The following ATPSCKMT variants were observed in gnomAD, a reference collection of about 807,000 sequenced individuals.
The protein encoded by ATPSCKMT is ATP synthase c subunit lysine N-methyltransferase.
ATPSCKMT carries 24 observed loss-of-function variants against 24.3 expected under a neutral mutation model. That is an observed-to-expected ratio of 0.99 (90% CI 0.71 to 1.39). The LOEUF (loss-of-function observed/expected upper bound fraction) is 1.39. Ranked by LOEUF, ATPSCKMT falls within the 40% of genes most tolerant of loss-of-function variation. ATPSCKMT has a pLI of 0.00. For synonymous variants in ATPSCKMT, 95 were observed against 110.5 expected (o/e 0.86, Z 0.88); for missense variants, 311 against 298.4 (o/e 1.04, Z -0.31).
chr5:10,228,883 G>A (rs1318806516), intron 4 of ATPSCKMT, among the ~76,000 whole-genome samples: 4 of 152,104 alleles, frequency 2.6e-5, no homozygotes, highest in Non-Finnish European at 4.4e-5. Flanking sequence ...GCCCACCTCA[G>A]CCTCTCAAAG....
intron 2 of ATPSCKMT, 136 bp from the exon 3 acceptor site, chr5:10,236,751 A>AGCG: frequency 1.4e-6 from 2 of 1,461,288 alleles, no homozygotes; most frequent in Non-Finnish European, 1.8e-6. Flanking sequence ...ATCATTTTAA[A>AGCG]ATGTGTCTCT....
chr5:10,242,308 T>C (rs1744679876), intron 1 of ATPSCKMT, among the ~76,000 whole-genome samples: 1 of 152,234 alleles, frequency 6.6e-6, no homozygotes, highest in Admixed American at 6.5e-5. Flanking sequence ...TTATAAAATA[T>C]TCTAAGTTCT....
chr5:10,230,257 G>T (rs538184023), intron 4 of ATPSCKMT, among the ~76,000 whole-genome samples: 2 of 108,002 alleles, frequency 1.9e-5, no homozygotes, highest in East Asian at 8.0e-4. Context: ...TCTTTTAACA[G>T]CCAGTATAGA....
rs1561031283 is a variant in ATPSCKMT at position 10,239,249 on chromosome 5, CAGTA to C, written c.120_123del (p.Thr41GlyfsTer13). 3.1e-6 allele frequency: 5 copies of C among 1,614,214 alleles called. No homozygotes were observed. The highest frequency in any genetic ancestry group is 2.2e-5 in the South Asian group (2 of 91,086). On this transcript the variant is annotated frameshift_variant, in exon 2 of 5. Transcript: ENST00000511437. LOFTEE classifies it high-confidence loss of function. Reference sequence around the variant, plus strand: ...GCCACCAGGGTGCCACCCACAAGCCCAGTAAGTAAGAACCCCCAGTTGCTTTTCT... The same window carrying C: ...GCCACCAGGGTGCCACCCACAAGCCCAGTAAGAACCCCCAGTTGCTTTTCT...
chr5:10,243,561 G>C (rs1744750737), intron 1 of ATPSCKMT, among the ~76,000 whole-genome samples: 1 of 152,114 alleles, frequency 6.6e-6, no homozygotes, highest in Non-Finnish European at 1.5e-5. Flanking sequence ...ACTTGCTGCG[G>C]CTTCTCCATC....
intron 1 of ATPSCKMT, among the ~76,000 whole-genome samples, chr5:10,239,567 G>A (rs368279000): frequency 2.6e-5 from 4 of 152,136 alleles, no homozygotes; most frequent in African/African-American, 9.7e-5. Context: ...ACTATGAGAA[G>A]ACTAAAATCT....
rs759479861 is a variant in ATPSCKMT at position 10,236,573 on chromosome 5, C to A, written c.349G>T (p.Glu117Ter). ...TACCAAACTAGCCATGGGTTTAATT[C>A]ATAACCAACTGCTGTGAACCCTTTC... ...AKKGFTAVGYELNPWLVWYSR... is the reference protein window; with the variant it reads ...AKKGFTAVGY Residue 117 changes from glutamate to a stop codon, truncating the protein, a stop_gained, in exon 3 of 5, where the codon GAA (glutamate) becomes TAA (stop). Coordinates refer to ENST00000511437, the MANE Select transcript of ATPSCKMT (RefSeq NM_199133.4). LOFTEE classifies it high-confidence loss of function. 7 of 1,614,114 alleles carry A rather than the reference C, an allele frequency of 4.3e-6. No individual in the cohort carries two copies. The Admixed American group carries it at 5.0e-5, about 12-fold the overall frequency.
At chr5:10,239,378 G>A in intron 1 of ATPSCKMT, 22 bp from the exon 2 acceptor site, 1 of 1,588,120 alleles carries the variant, frequency 6.3e-7, no homozygotes, top group Non-Finnish European at 8.6e-7. Flanking sequence ...GCAAGCAGAA[G>A]AGACACATGT....
At chr5:10,242,213 T>C (rs1257134304) in intron 1 of ATPSCKMT, among the ~76,000 whole-genome samples, 2 of 152,226 alleles carry the variant, frequency 1.3e-5, no homozygotes, top group Non-Finnish European at 2.9e-5. Flanking sequence ...TGTGATGCTG[T>C]TTGATAGCAT....
At chr5:10,236,427 T>A in intron 3 of ATPSCKMT, 51 bp downstream of exon 3, 1 of 1,573,166 alleles carries the variant, frequency 6.4e-7, no homozygotes, top group Admixed American at 1.9e-5. Flanking sequence ...TAATTTTGAA[T>A]AATAAAATTT....
chr5:10,238,578 G>A lies in ATPSCKMT; in HGVS notation c.306+489C>T, dbSNP rs1327752857. Among the ~76,000 whole-genome samples, 7 of 152,108 alleles carry A rather than the reference G, an allele frequency of 4.6e-5. No homozygotes were observed. In the East Asian group the frequency reaches 7.7e-4, roughly 17 times the overall value. ...CTTTTATTTATAGGTGCCCAACTGC[G>A]GTCAAGTGAGAGAAGTTCATAAAAA... On this transcript the variant is annotated intron_variant, in intron 2 of 4. Transcript: ENST00000511437.
At chr5:10,247,250 A>T (rs1744976026) in intron 1 of ATPSCKMT, among the ~76,000 whole-genome samples, 1 of 152,238 alleles carries the variant, frequency 6.6e-6, no homozygotes, top group South Asian at 2.1e-4. Context: ...CAAGATCCAT[A>T]CCCATTGCTG....
chr5:10,244,822 C>T lies in ATPSCKMT; in HGVS notation c.16+5036G>A, dbSNP rs576844310. 4.0e-5 allele frequency among the ~76,000 whole-genome samples: 6 copies of T among 151,286 alleles called. No homozygotes were observed. In the South Asian group the frequency reaches 8.4e-4, roughly 21 times the overall value. On this transcript the variant is annotated intron_variant, in intron 1 of 4. Transcript: ENST00000511437. The stretch of plus-strand genomic sequence containing the variant: ...TTTTGGGAGGCTGAAGCAGGAGGAT[C>T]GCTTAGGCCCAGGAGGCTGAGGCTG...
intron 4 of ATPSCKMT, among the ~76,000 whole-genome samples, chr5:10,234,632 G>C (rs1417481255): frequency 2.6e-5 from 4 of 152,198 alleles, no homozygotes; most frequent in Non-Finnish European, 5.9e-5. Context: ...CTGTGCACCA[G>C]CAATACAGCA....
At chr5:10,230,269 TAA>T (rs987192292) in intron 4 of ATPSCKMT, among the ~76,000 whole-genome samples, 1 of 148,616 alleles carries the variant, frequency 6.7e-6, no homozygotes, top group Non-Finnish European at 1.5e-5. Flanking sequence ...CAGTATAGAT[TAA>T]AAAAAAAAAG....
chr5:10,228,680 G>C (rs1397613903), intron 4 of ATPSCKMT, among the ~76,000 whole-genome samples: 1 of 151,874 alleles, frequency 6.6e-6, no homozygotes, highest in African/African-American at 2.4e-5. Context: ...CCTATACCCA[G>C]GTTCAAATAA....
intron 2 of ATPSCKMT, among the ~76,000 whole-genome samples, chr5:10,237,550 G>C (rs1744428978): frequency 6.6e-6 from 1 of 152,048 alleles, no homozygotes; most frequent in African/African-American, 2.4e-5. Flanking sequence ...TTTTATAAGG[G>C]GGAGTTTCCC....
Position 10,235,240 on chromosome 5 carries a change from T to TATTCATAA in ATPSCKMT, c.465_466insTTATGAAT (p.Asn156LeufsTer2), listed in dbSNP as rs745924383. On this transcript the variant is annotated stop_gained and frameshift_variant, in exon 4 of 5. Transcript: ENST00000511437. LOFTEE classifies it low-confidence loss of function (END_TRUNC). ...TGAGGCACACCGAAAATAACAACGT[T>TATTCATAA]CGAGTACTGCGAAAAAGTAACCTGA... 6.2e-7 allele frequency: 1 copy of TATTCATAA among 1,613,612 alleles called. No individual in the cohort carries two copies. The highest frequency in any genetic ancestry group is 1.3e-5 in the African/African-American group (1 of 74,968).
At chr5:10,237,551 G>T (rs1419675442) in intron 2 of ATPSCKMT, among the ~76,000 whole-genome samples, 1 of 152,034 alleles carries the variant, frequency 6.6e-6, no homozygotes, top group Non-Finnish European at 1.5e-5. Context: ...TTTATAAGGG[G>T]GAGTTTCCCT....
Sources: gnomAD v4.1 joint callset for allele counts (sites outside exome capture counted in the v4.1 genomes callset) on GRCh38, gnomAD v4.1.1 for gene constraint, MANE v1.5 for transcripts, NCBI Gene and HGNC (gene_info 2026-07-23, HGNC 2026-07-21) for gene names.